The following DPP10 variants were observed in gnomAD, a reference collection of about 807,000 sequenced individuals.
DPP10 encodes inactive dipeptidyl peptidase 10.
Under a neutral mutation model 120.9 loss-of-function variants are expected in DPP10, and 33 were observed. The ratio of observed to expected loss-of-function variants is 0.27; its 90% CI spans 0.21 to 0.37. DPP10 has a LOEUF of 0.37. DPP10 is among the 10% of genes least tolerant of loss of function. The pLI, the probability that DPP10 is intolerant of heterozygous loss-of-function variation, is 1.00. For synonymous variants in DPP10, 337 were observed against 326.1 expected (o/e 1.03, Z -0.36); for missense variants, 816 against 942.8 (o/e 0.87, Z 1.76).
At chr2:115,554,391 A>G (rs374778827) in intron 5 of DPP10, among the ~76,000 whole-genome samples, 3 of 151,958 alleles carry the variant, frequency 2.0e-5, no homozygotes, top group East Asian at 1.9e-4. Flanking sequence ...ACCAGCAGCA[A>G]TGTTATTCCT....
At chr2:114,509,176 T>A (rs1215189663) in intron 1 of DPP10, among the ~76,000 whole-genome samples, 1 of 152,190 alleles carries the variant, frequency 6.6e-6, no homozygotes, top group East Asian at 1.9e-4. Flanking sequence ...ACTCTGTGGT[T>A]TTGCCAGATG....
At chr2:114,588,277 A>G (rs899086235) in intron 1 of DPP10, among the ~76,000 whole-genome samples, 1 of 152,252 alleles carries the variant, frequency 6.6e-6, no homozygotes, top group African/African-American at 2.4e-5. Context: ...AGAAAATTAC[A>G]ACTTAACTAC....
intron 1 of DPP10, among the ~76,000 whole-genome samples, chr2:115,271,852 T>G (rs1198060653): frequency 6.6e-6 from 1 of 152,210 alleles, no homozygotes; most frequent in Non-Finnish European, 1.5e-5. Context: ...GTATTTTAAC[T>G]GAGAAAGATG....
chr2:115,791,738 T>C (rs1479465460), intron 19 of DPP10, among the ~76,000 whole-genome samples: 1 of 152,214 alleles, frequency 6.6e-6, no homozygotes, highest in Non-Finnish European at 1.5e-5. Context: ...TATTGATTTT[T>C]CCTCCTGCAT....
rs555441148 is a variant in DPP10 at position 115,361,515 on chromosome 2, C to T, written c.271+17603C>T. On this transcript the variant is annotated intron_variant, in intron 3 of 25. Transcript: ENST00000410059. ...GCCCCTTTCCCATGGGAAAAACAGC[C>T]CTGTTTCCTGCACCCCCTCATGCAA... is the stretch of plus-strand genomic sequence containing the variant. Among the ~76,000 whole-genome samples, 115 of 152,090 alleles carry T rather than the reference C, an allele frequency of 7.6e-4. 1 individual carries two copies. Among genetic ancestry groups the T allele is most frequent in the African/African-American group, 2.6e-3 (108 of 41,476 alleles).
At chr2:115,194,917 A>G (rs1343276413) in intron 1 of DPP10, among the ~76,000 whole-genome samples, 1 of 152,212 alleles carries the variant, frequency 6.6e-6, no homozygotes, top group Non-Finnish European at 1.5e-5. Flanking sequence ...ACAGCATTTT[A>G]TGAAGAGCCT....
At chr2:115,084,818 T>C (rs1708560952) in intron 1 of DPP10, among the ~76,000 whole-genome samples, 1 of 152,196 alleles carries the variant, frequency 6.6e-6, no homozygotes, top group Non-Finnish European at 1.5e-5. Flanking sequence ...GTGAGGCTGA[T>C]ATTCCTCCAG....
At chr2:115,122,161 T>C (rs1273568626) in intron 1 of DPP10, among the ~76,000 whole-genome samples, 1 of 152,200 alleles carries the variant, frequency 6.6e-6, no homozygotes, top group African/African-American at 2.4e-5. Context: ...AATGAACCAG[T>C]GCTTACTGGG....
chr2:115,731,091 G>A (rs1221848322), intron 8 of DPP10, among the ~76,000 whole-genome samples: 1 of 152,104 alleles, frequency 6.6e-6, no homozygotes, highest in African/African-American at 2.4e-5. Flanking sequence ...TGGGTGTGGT[G>A]GCTCATACCT....
intron 3 of DPP10, among the ~76,000 whole-genome samples, chr2:115,405,652 C>T (rs1354577748): frequency 1.3e-5 from 2 of 152,194 alleles, no homozygotes; most frequent in African/African-American, 4.8e-5. Flanking sequence ...GGCTGCTGCA[C>T]CTCCTCCACT....
chr2:115,631,037 CTTTTT>C (rs58468918), intron 5 of DPP10, among the ~76,000 whole-genome samples: 8 of 111,352 alleles, frequency 7.2e-5, no homozygotes, highest in East Asian at 6.0e-4. Context: ...TGATCCTGGG[CTTTTT>C]TTTTTTTTTT....
intron 1 of DPP10, among the ~76,000 whole-genome samples, chr2:115,090,253 G>T (rs1709131576): frequency 6.6e-6 from 1 of 152,136 alleles, no homozygotes; most frequent in African/African-American, 2.4e-5. Flanking sequence ...CCTTGCTAGT[G>T]TGCATTTATC....
chr2:114,742,691 A>T (rs1678181632), intron 1 of DPP10, among the ~76,000 whole-genome samples: 1 of 152,224 alleles, frequency 6.6e-6, no homozygotes, highest in Non-Finnish European at 1.5e-5. Context: ...TACAGACCAC[A>T]CATTTGAAAG....
chr2:115,348,473 T>C (rs918620861), intron 3 of DPP10, among the ~76,000 whole-genome samples: 1 of 152,146 alleles, frequency 6.6e-6, no homozygotes, highest in African/African-American at 2.4e-5. Context: ...AATAAATGCA[T>C]GTGTTTACAT....
intron 3 of DPP10, among the ~76,000 whole-genome samples, chr2:115,497,958 A>G (rs2076488232): frequency 1.3e-5 from 2 of 152,150 alleles, no homozygotes; most frequent in Non-Finnish European, 1.5e-5. Flanking sequence ...ATAAAAAAAA[A>G]AGAACCCAAT....
At chr2:114,660,039 T>C (rs571622196) in intron 1 of DPP10, among the ~76,000 whole-genome samples, 7 of 152,308 alleles carry the variant, frequency 4.6e-5, no homozygotes, top group African/African-American at 1.7e-4. Context: ...AATAAATGTA[T>C]GTGGTTTTAA....
intron 1 of DPP10, among the ~76,000 whole-genome samples, chr2:114,701,109 A>G (rs186532745): frequency 8.4e-4 from 128 of 152,258 alleles, no homozygotes; most frequent in African/African-American, 2.7e-3. Flanking sequence ...ATAAATCTCT[A>G]GATAAATGAT....
At chr2:115,062,162 G>GTGTA (rs1379404221) in intron 1 of DPP10, among the ~76,000 whole-genome samples, 1 of 144,480 alleles carries the variant, frequency 6.9e-6, no homozygotes, top group Non-Finnish European at 1.5e-5. Flanking sequence ...GTGTGTGTGT[G>GTGTA]TGTGTGTATG....
intron 1 of DPP10, among the ~76,000 whole-genome samples, chr2:115,265,230 T>C (rs956733141): frequency 2.0e-5 from 3 of 150,944 alleles, no homozygotes; most frequent in African/African-American, 4.9e-5. Flanking sequence ...CACATCGATG[T>C]TCCCAATGTC....
Sources: allele counts gnomAD v4.1 joint callset (sites outside exome capture counted in the v4.1 genomes callset), GRCh38; gene constraint gnomAD v4.1.1; transcripts MANE v1.5; gene names NCBI Gene and HGNC (gene_info 2026-07-23, HGNC 2026-07-21).